The following DSE variants were observed in gnomAD, a reference collection of about 807,000 sequenced individuals.
DSE encodes the protein dermatan sulfate epimerase.
DSE carries 36 observed loss-of-function variants against 84.4 expected under a neutral mutation model. The observed-to-expected ratio is 0.43, with a 90% confidence interval of 0.33 to 0.56. The LOEUF is 0.56. DSE is among the 20% of genes least tolerant of loss of function. The probability of loss-of-function intolerance (pLI) is 0.06; values close to 1 mark genes in which losing one functional copy is unlikely to be tolerated. For missense variants in DSE, 862 were observed against 1,169.6 expected (o/e 0.74, Z 3.84); for synonymous variants, 410 against 430.1 (o/e 0.95, Z 0.58).
At chr6:116,268,404 T>G (rs1270335187) in intron 2 of DSE, among the ~76,000 whole-genome samples, 1 of 152,244 alleles carries the variant, frequency 6.6e-6, no homozygotes, top group Non-Finnish European at 1.5e-5. Context: ...GTATATTGTA[T>G]GATGTTTGCA....
intron 2 of DSE, among the ~76,000 whole-genome samples, chr6:116,407,150 C>T (rs1781982309): frequency 6.6e-6 from 1 of 152,186 alleles, no homozygotes; most frequent in Non-Finnish European, 1.5e-5. Context: ...CGCCCAGACT[C>T]ACTGAATCAT....
chr6:116,435,974 C>T lies in DSE; in HGVS notation c.1506C>T (p.Val502=), dbSNP rs780931991. The T allele has an allele frequency of 6.2e-7, 1 of 1,614,134 alleles. No homozygotes were observed. The highest frequency in any genetic ancestry group is 1.1e-5 in the South Asian group (1 of 91,082). ...KSCFSPWVGQ[V]TEDCSSKWSK... is the part of the protein sequence containing the mutation. ...GCTTTTCTCCCTGGGTGGGTCAGGTCACAGAAGACTGCTCATCAAAATGGT... is the reference window on the plus strand; with the variant it reads ...GCTTTTCTCCCTGGGTGGGTCAGGTTACAGAAGACTGCTCATCAAAATGGT... Residue 502 remains valine, a synonymous_variant, in exon 6 of 6, where the codon GTC becomes GTT. Coordinates refer to ENST00000644252, the MANE Select transcript of DSE (RefSeq NM_013352.4).
chr6:116,415,614 T>C (rs1782657338), intron 2 of DSE, among the ~76,000 whole-genome samples: 1 of 150,698 alleles, frequency 6.6e-6, no homozygotes, highest in African/African-American at 2.4e-5. Context: ...TTTTTTTTCC[T>C]CTGCTGTTTT....
intron 2 of DSE, among the ~76,000 whole-genome samples, chr6:116,414,667 C>T (rs1205198705): frequency 6.6e-6 from 1 of 152,198 alleles, no homozygotes; most frequent in African/African-American, 2.4e-5. Flanking sequence ...CTGCCTCGGC[C>T]TCCCAAAGTG....
chr6:116,418,895 C>T (rs3777993), intron 2 of DSE, among the ~76,000 whole-genome samples: 99,110 of 152,048 alleles, frequency 0.65, 33,279 homozygotes, highest in Admixed American at 0.73. Context: ...AAAATGGGGA[C>T]GGAATACCTA....
chr6:116,271,498 A>G (rs1772875155), intron 2 of DSE, among the ~76,000 whole-genome samples: 1 of 152,184 alleles, frequency 6.6e-6, no homozygotes, highest in South Asian at 2.1e-4. Flanking sequence ...GATTCTTGAG[A>G]GGGCCCCAGG....
chr6:116,278,826 C>T (rs764201447), intron 2 of DSE: 1 of 1,614,134 alleles, frequency 6.2e-7, no homozygotes, highest in South Asian at 1.1e-5. Flanking sequence ...CCTTGACAAT[C>T]AGCTTGTTTC....
chr6:116,435,581 T>C lies in DSE; in HGVS notation c.1119-6T>C. The C allele has an allele frequency of 3.2e-6, 5 of 1,554,654 alleles. No individual in the cohort carries two copies. The highest frequency in any genetic ancestry group is 4.3e-6 in the Non-Finnish European group (5 of 1,153,616). On this transcript the variant is annotated splice_polypyrimidine_tract_variant and splice_region_variant and intron_variant, in intron 5 of 5. Coordinates refer to ENST00000644252, the MANE Select transcript of DSE (RefSeq NM_013352.4). ...AAACCATTTAATTTTTCAAAATTAA[T>C]TTCAGGTATGATGGCAGCTTGAAAT... is the stretch of plus-strand genomic sequence containing the variant.
rs965454322 is a variant in DSE at position 116,442,477 on chromosome 6, G to A, written c.*5132G>A. ...GCTGTGGCTGAAGATGTAATTGTTGGTGCCTTCTTAAAGGTTAAACAGAAA... is the reference window on the plus strand; with the variant it reads ...GCTGTGGCTGAAGATGTAATTGTTGATGCCTTCTTAAAGGTTAAACAGAAA... On this transcript the variant is annotated 3_prime_UTR_variant, in exon 6 of 6. Coordinates refer to ENST00000644252, the MANE Select transcript of DSE (RefSeq NM_013352.4). 6.6e-6 allele frequency: 1 copy of A among 152,168 alleles called. No individual in the cohort carries two copies. The highest frequency in any genetic ancestry group is 1.5e-5 in the Non-Finnish European group (1 of 68,054). The allele number at this position is 152,168 out of a possible 1,614,324, so 9.4% of individuals were successfully genotyped here.
At chr6:116,276,740 G>T (rs1303680434) in intron 2 of DSE, 1 of 152,100 alleles carries the variant, frequency 6.6e-6, no homozygotes. Context: ...AGAACAACAT[G>T]CTTTTATTTT....
chr6:116,343,790 T>C (rs956897724), intron 2 of DSE, among the ~76,000 whole-genome samples: 1 of 152,170 alleles, frequency 6.6e-6, no homozygotes, highest in Non-Finnish European at 1.5e-5. Flanking sequence ...ATGACTTTGA[T>C]GAGTTGAGAA....
upstream of DSE, among the ~76,000 whole-genome samples, chr6:116,368,029 C>T (rs1055552566): frequency 1.3e-5 from 2 of 152,188 alleles, no homozygotes; most frequent in Non-Finnish European, 2.9e-5. Flanking sequence ...ACATGAACCA[C>T]AATTCACTAA....
chr6:116,271,420 TGAA>T (rs1210785908), intron 2 of DSE, among the ~76,000 whole-genome samples: 4 of 152,186 alleles, frequency 2.6e-5, no homozygotes, highest in Non-Finnish European at 1.5e-5. Flanking sequence ...CAGTTGGAGC[TGAA>T]GAAGTCAGAG....
At chr6:116,258,723 G>A (rs749521437) in exon 2 of DSE, 13 of 1,606,532 alleles carry the variant, frequency 8.1e-6, no homozygotes, top group African/African-American at 5.3e-5. Context: ...TCACAGTCCC[G>A]GCGCACCCAA....
At chr6:116,409,422 T>C (rs537201930) in intron 2 of DSE, among the ~76,000 whole-genome samples, 1 of 152,202 alleles carries the variant, frequency 6.6e-6, no homozygotes, top group East Asian at 1.9e-4. Flanking sequence ...GGACTACAGG[T>C]GCCCACCACC....
intron 2 of DSE, among the ~76,000 whole-genome samples, chr6:116,411,606 GA>G (rs1782360535): frequency 6.6e-6 from 1 of 152,110 alleles, no homozygotes; most frequent in South Asian, 2.1e-4. Context: ...AGTATTACAA[GA>G]AAAAAATTGG....
chr6:116,288,084 C>G (rs1774040568), intron 2 of DSE: 1 of 152,042 alleles, frequency 6.6e-6, no homozygotes, highest in Admixed American at 6.6e-5. Context: ...GTTTACGTAT[C>G]TCATAGGAGC....
At chr6:116,351,794 A>G (rs1256596385) in intron 2 of DSE, among the ~76,000 whole-genome samples, 1 of 152,210 alleles carries the variant, frequency 6.6e-6, no homozygotes, top group Non-Finnish European at 1.5e-5. Flanking sequence ...GAGTATTCCA[A>G]TTCTAAACTC....
Position 116,439,227 on chromosome 6 carries a change from T to A in DSE, c.*1882T>A, listed in dbSNP as rs1009828831. 3 of 152,164 alleles carry A rather than the reference T, an allele frequency of 2.0e-5. No individual in the cohort carries two copies. The highest frequency in any genetic ancestry group is 6.5e-5 in the Admixed American group (1 of 15,280). 9.4% of individuals were successfully genotyped at this position (152,164 alleles called of 1,614,324 possible). On this transcript the variant is annotated 3_prime_UTR_variant, in exon 6 of 6. Coordinates refer to ENST00000644252, the MANE Select transcript of DSE (RefSeq NM_013352.4). ...CTTTGAGGTTACCAAGCAAACCTGA[T>A]CTCAGATCCAAACTGAGACATACTT...
Sources: gnomAD v4.1 joint callset for allele counts (sites outside exome capture counted in the v4.1 genomes callset) on GRCh38, gnomAD v4.1.1 for gene constraint, MANE v1.5 for transcripts, NCBI Gene and HGNC (gene_info 2026-07-23, HGNC 2026-07-21) for gene names.